DIP2B: variants seen among roughly 807,000 people sequenced by gnomAD.
The protein encoded by DIP2B is disco-interacting protein 2 homolog B.
A neutral mutation model predicts 198.0 loss-of-function variants in DIP2B; 76 were observed. That is an observed-to-expected ratio of 0.38 (90% CI 0.32 to 0.46). The LOEUF (loss-of-function observed/expected upper bound fraction) is 0.46, where lower values mean the gene tolerates loss of function less well. Among genes scored for constraint, DIP2B ranks in the 20% least tolerant of loss-of-function variants. The pLI, the probability that DIP2B is intolerant of heterozygous loss-of-function variation, is 0.99. For missense variants in DIP2B, 1,559 were observed against 1,978.4 expected (o/e 0.79, Z 4.02); for synonymous variants, 701 against 739.1 (o/e 0.95, Z 0.84).
chr12:50,682,906 C>T (rs1282091602), intron 9 of DIP2B, among the ~76,000 whole-genome samples: 1 of 152,046 alleles, frequency 6.6e-6, no homozygotes, highest in East Asian at 1.9e-4. Context: ...GTGATGAGGA[C>T]GAGGATGAAT....
chr12:50,695,249 T>C lies in DIP2B; in HGVS notation c.1720-18T>C, dbSNP rs1939290720. ...TGTATTTTGTATTGATTACTTTTCT[T>C]CTTTCTTTGTTTTTCAGAATGTAAT... On this transcript the variant is annotated intron_variant, in intron 14 of 37. Coordinates refer to ENST00000301180, the MANE Select transcript of DIP2B (RefSeq NM_173602.3). 6.2e-7 allele frequency: 1 copy of C among 1,603,602 alleles called. No individual in the cohort carries two copies. Among genetic ancestry groups the C allele is most frequent in the Non-Finnish European group, 8.5e-7 (1 of 1,172,896 alleles).
chr12:50,708,518 G>T lies in DIP2B; in HGVS notation c.2605G>T (p.Ala869Ser), dbSNP rs753482437. 1 of 1,607,040 alleles carries T rather than the reference G, an allele frequency of 6.2e-7. No homozygotes were observed. Among genetic ancestry groups the T allele is most frequent in the East Asian group, 2.2e-5 (1 of 44,756 alleles). ...GGTGGTTGCGGAACAAAGACCTGAT[G>T]CTTCTGAGGAAGATAGTTTCCAGTG... ...IVVVAEQRPD[A>S]SEEDSFQWMS... is the part of the protein sequence containing the mutation. Residue 869 changes from alanine (A) to serine (S), a missense_variant, in exon 22 of 38, where the codon GCT becomes TCT. Physicochemically the swap from Ala to Ser is moderately conservative, Grantham distance 99. Coordinates refer to ENST00000301180, the MANE Select transcript of DIP2B (RefSeq NM_173602.3).
intron 9 of DIP2B, among the ~76,000 whole-genome samples, chr12:50,680,965 G>T (rs1181359188): frequency 6.6e-6 from 1 of 152,104 alleles, no homozygotes; most frequent in African/African-American, 2.4e-5. Flanking sequence ...AAGGAAATTC[G>T]CATGTCCTTT....
At chr12:50,732,927 A>AC (rs1940070723) in intron 32 of DIP2B, among the ~76,000 whole-genome samples, 1 of 150,612 alleles carries the variant, frequency 6.6e-6, no homozygotes, top group African/African-American at 2.4e-5. Context: ...TTTATTTGAG[A>AC]CGGAGCCTTG....
intron 1 of DIP2B, among the ~76,000 whole-genome samples, chr12:50,528,256 T>A (rs1397780277): frequency 6.6e-6 from 1 of 151,476 alleles, no homozygotes; most frequent in Non-Finnish European, 1.5e-5. Context: ...GTAGTCAGAT[T>A]TAGTGTCTCA....
At chr12:50,691,613 T>A (rs1407827439) in intron 13 of DIP2B, among the ~76,000 whole-genome samples, 3 of 152,202 alleles carry the variant, frequency 2.0e-5, no homozygotes, top group Non-Finnish European at 4.4e-5. Flanking sequence ...GCAATATTAA[T>A]TTTTTTAGTG....
At chr12:50,531,966 A>G (rs1958220826) in intron 1 of DIP2B, among the ~76,000 whole-genome samples, 1 of 152,166 alleles carries the variant, frequency 6.6e-6, no homozygotes, top group African/African-American at 2.4e-5. Flanking sequence ...GTGGAGGGGT[A>G]AGAGGTCTTG....
At chr12:50,540,703 G>A (rs1007085165) in intron 1 of DIP2B, among the ~76,000 whole-genome samples, 4 of 151,594 alleles carry the variant, frequency 2.6e-5, no homozygotes, top group African/African-American at 9.7e-5. Context: ...TGCCCGCCAC[G>A]GCGCCCGGCT....
intron 1 of DIP2B, among the ~76,000 whole-genome samples, chr12:50,609,570 A>G (rs1959013884): frequency 6.6e-6 from 1 of 152,218 alleles, no homozygotes; most frequent in South Asian, 2.1e-4. Flanking sequence ...AGGGAGAAAG[A>G]GAAGGGAAGA....
chr12:50,535,473 TCTC>T (rs1034006455), intron 1 of DIP2B, among the ~76,000 whole-genome samples: 18 of 151,390 alleles, frequency 1.2e-4, no homozygotes, highest in African/African-American at 4.1e-4. Context: ...TTCAAGCAAT[TCTC>T]CTCCCTCAGC....
chr12:50,611,900 A>G (rs970499957), intron 1 of DIP2B, among the ~76,000 whole-genome samples: 2 of 152,168 alleles, frequency 1.3e-5, no homozygotes, highest in Non-Finnish European at 2.9e-5. Context: ...CAAAGTAAGA[A>G]AAGAAAAGCA....
intron 7 of DIP2B, among the ~76,000 whole-genome samples, chr12:50,675,925 T>C (rs559119671): frequency 6.6e-6 from 1 of 152,344 alleles, no homozygotes; most frequent in South Asian, 2.1e-4. Context: ...AATACAGTTA[T>C]TTCCTTCATG....
Position 50,728,333 on chromosome 12 carries a change from G to A in DIP2B, c.3511-215G>A, listed in dbSNP as rs1373928157. Among the ~76,000 whole-genome samples the A allele has an allele frequency of 2.0e-5, 3 of 151,892 alleles. No homozygotes were observed. The East Asian group carries it at 5.8e-4, about 29-fold the overall frequency. Reference sequence around the variant, plus strand: ...TTGCACCGCAGCCTGGGCAACAGGAGTGAAACTCCATCTAAAAAAAAAAAA... The same window carrying A: ...TTGCACCGCAGCCTGGGCAACAGGAATGAAACTCCATCTAAAAAAAAAAAA... On this transcript the variant is annotated intron_variant, in intron 29 of 37. Coordinates refer to ENST00000301180, the MANE Select transcript of DIP2B (RefSeq NM_173602.3).
intron 6 of DIP2B, among the ~76,000 whole-genome samples, chr12:50,675,088 T>C (rs1045225271): frequency 1.3e-5 from 2 of 152,130 alleles, no homozygotes; most frequent in Non-Finnish European, 2.9e-5. Context: ...AGACTCCATC[T>C]CAAAAAAAGA....
intron 23 of DIP2B, among the ~76,000 whole-genome samples, chr12:50,715,256 A>G (rs1939693029): frequency 6.6e-6 from 1 of 152,192 alleles, no homozygotes; most frequent in Non-Finnish European, 1.5e-5. Flanking sequence ...AAATAACCCT[A>G]AAACTCAGTG....
At chr12:50,580,240 C>A (rs1450722059) in intron 1 of DIP2B, among the ~76,000 whole-genome samples, 2 of 148,840 alleles carry the variant, frequency 1.3e-5, no homozygotes, top group Admixed American at 1.4e-4. Context: ...CAGCACTACA[C>A]ACTGTTGCCC....
At chr12:50,695,652 A>G (rs754684591) in intron 15 of DIP2B, among the ~76,000 whole-genome samples, 196 bp from the exon 16 acceptor site, 7 of 152,194 alleles carry the variant, frequency 4.6e-5, no homozygotes, top group Admixed American at 6.5e-5. Context: ...TGAACAAACA[A>G]TTGTAGGTCC....
At chr12:50,575,053 G>A (rs956462562) in intron 1 of DIP2B, among the ~76,000 whole-genome samples, 4 of 151,872 alleles carry the variant, frequency 2.6e-5, no homozygotes, top group South Asian at 2.1e-4. Flanking sequence ...GACTCCTTTT[G>A]TTTACCTCCC....
At chr12:50,648,319 T>C (rs1207929937) in intron 3 of DIP2B, among the ~76,000 whole-genome samples, 1 of 152,196 alleles carries the variant, frequency 6.6e-6, no homozygotes, top group Non-Finnish European at 1.5e-5. Flanking sequence ...TTTGTGCTTC[T>C]GTAAACTACC....
Sources: gnomAD v4.1 joint callset for allele counts (sites outside exome capture counted in the v4.1 genomes callset) on GRCh38, gnomAD v4.1.1 for gene constraint, MANE v1.5 for transcripts, NCBI Gene and HGNC (gene_info 2026-07-23, HGNC 2026-07-21) for gene names.